DZIP1: variants seen among roughly 807,000 people sequenced by gnomAD.
DZIP1 encodes the protein DAZ interacting zinc finger protein 1.
A neutral mutation model predicts 107.6 loss-of-function variants in DZIP1; 97 were observed. The ratio of observed to expected loss-of-function variants is 0.90; its 90% confidence interval spans 0.77 to 1.07. DZIP1 has a LOEUF of 1.07. Among genes scored for constraint, DZIP1 ranks in the 50% least tolerant of loss-of-function variants. The pLI, the probability that DZIP1 is intolerant of heterozygous loss-of-function variation, is 0.00. For synonymous variants in DZIP1, 390 were observed against 386.4 expected, an observed-to-expected ratio of 1.01 and a Z score of -0.11; for missense variants, 1,035 against 1,063.6, an observed-to-expected ratio of 0.97 and a Z score of 0.37.
chr13:95,592,272 A>G (rs2044330090), intron 16 of DZIP1, among the ~76,000 whole-genome samples: 1 of 152,224 alleles, frequency 6.6e-6, no homozygotes, highest in Admixed American at 6.5e-5. Context: ...GAGAAAAAAA[A>G]GAATGTTTTA....
chr13:95,581,245 A>T lies in DZIP1; in HGVS notation c.*989T>A, dbSNP rs997577522. 6 of 152,778 alleles carry T rather than the reference A, an allele frequency of 3.9e-5. No homozygotes were observed. Among genetic ancestry groups the T allele is most frequent in the African/African-American group, 1.2e-4 (5 of 41,592 alleles). 9.5% of individuals were successfully genotyped at this position (152,778 alleles called of 1,614,324 possible). On this transcript the variant is annotated 3_prime_UTR_variant, in exon 23 of 23. Coordinates refer to ENST00000376829, the MANE Select transcript of DZIP1 (RefSeq NM_198968.4). Reference sequence around the variant, plus strand: ...ACCAAGTTATAAAAATGCAAAAAACAGCTTATAAGAACTTTCTTTCGACAA... The same window carrying T: ...ACCAAGTTATAAAAATGCAAAAAACTGCTTATAAGAACTTTCTTTCGACAA...
At position 95,609,460 on chromosome 13, in the gene DZIP1, G is replaced by C; in HGVS notation, c.1417C>G (p.Pro473Ala). Reference sequence around the variant, plus strand: ...TGCATCTATTATAGGAACTTACTAGGCACAGCTGGAGCAGCTGGCTGAGAT... The same window carrying C: ...TGCATCTATTATAGGAACTTACTAGCCACAGCTGGAGCAGCTGGCTGAGAT... Reference protein sequence around the residue: ...FESQPAAPAVPMNAPALHTLE... With the variant: ...FESQPAAPAVAMNAPALHTLE... The change falls in exon 13 of 23, where the codon CCT becomes GCT. Residue 473 changes from proline (P) to alanine (A), a missense_variant. Physicochemically the swap from Pro to Ala is conservative, Grantham distance 27 (BLOSUM62 -1). Coordinates refer to ENST00000376829, the MANE Select transcript of DZIP1 (RefSeq NM_198968.4). The C allele has an allele frequency of 6.4e-7, 1 of 1,570,440 alleles. No individual in the cohort carries two copies. The highest frequency in any genetic ancestry group is 8.6e-7 in the Non-Finnish European group (1 of 1,159,244).
chr13:95,641,814 T>G lies in DZIP1; in HGVS notation c.78A>C (p.Pro26=), dbSNP rs1440436406. The G allele has an allele frequency of 1.1e-5, 15 of 1,362,126 alleles. No homozygotes were observed. The East Asian group carries it at 5.3e-4, about 48-fold the overall frequency. The allele number at this position is 1,362,126 out of a possible 1,614,324, so 84.4% of individuals were successfully genotyped here. A position where few individuals can be genotyped will look rare whatever the true frequency, so the allele number is the denominator to read the frequency against. The change falls in exon 5 of 23, where the codon CCA becomes CCC. Residue 26 remains proline, a synonymous_variant. Transcript: ENST00000376829. This position sits in a 1 kb window ranked among gnomAD's most constrained non-coding sequence, Gnocchi z 4.3. The part of the protein sequence containing the change: ...KHVYYPLASG[P]EGPDVAVAAA... ...CGGCCACAGCGACGTCGGGCCCCTC[T>G]GGGCCGCTGGCGAGCGGGTAGTAGA... is the stretch of plus-strand genomic sequence containing the variant.
chr13:95,585,947 C>A (rs2044147942), intron 21 of DZIP1, 59 bp downstream of exon 21: 3 of 1,510,168 alleles, frequency 2.0e-6, no homozygotes, highest in East Asian at 4.8e-5. Context: ...AAAGTGTGAC[C>A]ATTAAGGTGC....
chr13:95,642,065 G>A lies in DZIP1; in HGVS notation c.-36C>T. The A allele has an allele frequency of 2.0e-6, 3 of 1,500,082 alleles. No individual in the cohort carries two copies. Among genetic ancestry groups the A allele is most frequent in the Admixed American group, 2.5e-5 (1 of 39,804 alleles). 92.9% of individuals were successfully genotyped at this position (1,500,082 alleles called of 1,614,324 possible). ...GGGCGGTCTTTACCCAGCCTGGGCC[G>A]CCTCCCGGGCCGCCGCCGCCACAGC... is the stretch of plus-strand genomic sequence containing the variant. On this transcript the variant is annotated 5_prime_UTR_variant, in exon 4 of 23. Coordinates refer to ENST00000376829, the MANE Select transcript of DZIP1 (RefSeq NM_198968.4).
intron 17 of DZIP1, 79 bp from the exon 18 acceptor site, chr13:95,590,011 C>G: frequency 6.7e-7 from 1 of 1,498,184 alleles, no homozygotes; most frequent in South Asian, 1.3e-5. Flanking sequence ...GGTATAATAC[C>G]CCCTATGCTG....
intron 11 of DZIP1, 24 bp downstream of exon 11, chr13:95,612,013 G>C: frequency 1.2e-6 from 2 of 1,610,708 alleles, no homozygotes; most frequent in Non-Finnish European, 1.7e-6. Flanking sequence ...AAGAAGCACG[G>C]TGCCACACTG....
chr13:95,584,648 C>T, intron 22 of DZIP1, 88 bp downstream of exon 22: 1 of 1,496,784 alleles, frequency 6.7e-7, no homozygotes. Context: ...GATGATATAC[C>T]AGCATAAGTT....
At chr13:95,626,032 T>A (rs1876507869) in intron 7 of DZIP1, among the ~76,000 whole-genome samples, 1 of 151,838 alleles carries the variant, frequency 6.6e-6, no homozygotes, top group South Asian at 2.1e-4. Flanking sequence ...CTTAGGAGGC[T>A]GAGGTGGGAG....
intron 10 of DZIP1, among the ~76,000 whole-genome samples, chr13:95,617,607 G>A (rs901768154): frequency 6.6e-6 from 1 of 150,806 alleles, no homozygotes; most frequent in Admixed American, 6.6e-5. Context: ...ATGAAAACCA[G>A]GTATAAAAGA....
intron 15 of DZIP1, 93 bp from the exon 16 acceptor site, chr13:95,594,179 C>A: frequency 9.9e-7 from 1 of 1,011,648 alleles, no homozygotes; most frequent in South Asian, 1.7e-5. Flanking sequence ...AGCTTTTAAG[C>A]AGCAAGTAAG....
chr13:95,593,289 AC>A (rs1566368137), intron 16 of DZIP1, among the ~76,000 whole-genome samples: 1 of 152,336 alleles, frequency 6.6e-6, no homozygotes, highest in East Asian at 1.9e-4. Flanking sequence ...GCACACATAC[AC>A]ACTATACACA....
chr13:95,629,926 A>G, intron 7 of DZIP1, 63 bp downstream of exon 7: 3 of 1,503,810 alleles, frequency 2.0e-6, no homozygotes, highest in South Asian at 1.3e-5. Context: ...ATTAGAGTCC[A>G]TGGCATAATT....
rs76592371 is a variant in DZIP1, at chr13:95,613,217, G to T, written c.1174-1040C>A. 5.9e-5 allele frequency among the ~76,000 whole-genome samples: 9 copies of T among 152,210 alleles called. No individual in the cohort carries two copies. In the South Asian group the frequency reaches 6.2e-4, roughly 11 times the overall value. On this transcript the variant is annotated intron_variant, in intron 10 of 22. Transcript: ENST00000376829. ...CACAGAAGGCTAAAAAGAAACAAAG[G>T]GGGGGCGGCTTGAGGCCAGGTGTGG... is the stretch of plus-strand genomic sequence containing the variant.
In DZIP1 at chr13:95,584,800, T is replaced by C. The variant is rs1366064197; in HGVS notation, c.2460A>G (p.Glu820=). The C allele has an allele frequency of 1.2e-6, 2 of 1,614,148 alleles. No homozygotes were observed. The highest frequency in any genetic ancestry group is 1.1e-5 in the South Asian group (1 of 91,078). The stretch of plus-strand genomic sequence containing the variant: ...CATTTAGCACATGAGCAAAATGTGG[T>C]TCATTTTTCGCAGGTGGAGGTTCCT... The part of the protein sequence containing the change: ...EQKEPPPAKN[E]PHFAHVLNAW... The change falls in exon 22 of 23, where the codon GAA becomes GAG. Residue 820 remains glutamate (E), a synonymous_variant. Coordinates refer to ENST00000376829, the MANE Select transcript of DZIP1 (RefSeq NM_198968.4).
At chr13:95,617,028 T>G (rs1875182091) in intron 10 of DZIP1, among the ~76,000 whole-genome samples, 1 of 151,832 alleles carries the variant, frequency 6.6e-6, no homozygotes, top group Non-Finnish European at 1.5e-5. Context: ...GCCAACACAG[T>G]GAAACCCCAT....
intron 14 of DZIP1, among the ~76,000 whole-genome samples, chr13:95,605,642 C>A (rs1566382712): frequency 6.6e-6 from 1 of 152,182 alleles, no homozygotes. Context: ...CCACATACGC[C>A]CTGTGGCATG....
At chr13:95,599,628 A>C (rs958166532) in intron 14 of DZIP1, among the ~76,000 whole-genome samples, 9 of 152,228 alleles carry the variant, frequency 5.9e-5, no homozygotes, top group Non-Finnish European at 7.3e-5. Flanking sequence ...TGTACTTTCC[A>C]TTAACTACAC....
rs1408106280 is a variant in DZIP1, at chr13:95,620,075, A to G, written c.1111-128T>C. ...ATCTGGTAAAATTTTAGCTAGTGAA[A>G]CAGTTTGGCTCTCGGTCCCCACTCA... On this transcript the variant is annotated intron_variant, in intron 9 of 22. Transcript: ENST00000376829. The G allele has an allele frequency of 4.2e-6, 4 of 961,352 alleles. 1 individual carries two copies. Among genetic ancestry groups the G allele is most frequent in the Non-Finnish European group, 3.1e-6 (2 of 649,300 alleles). The allele number at this position is 961,352 out of a possible 1,614,324, so 59.6% of individuals were successfully genotyped here.
Sources: allele counts gnomAD v4.1 joint callset (sites outside exome capture counted in the v4.1 genomes callset), GRCh38; gene constraint gnomAD v4.1.1; non-coding constraint Gnocchi (gnomAD v3.1); transcripts MANE v1.5; gene names NCBI Gene and HGNC (gene_info 2026-07-23, HGNC 2026-07-21).